The following C6 variants were observed in gnomAD, a reference collection of about 807,000 sequenced individuals.
C6 encodes the protein complement C6.
A neutral mutation model predicts 112.9 loss-of-function variants in C6; 101 were observed. The observed-to-expected ratio is 0.89, with a 90% confidence interval of 0.76 to 1.06. The LOEUF is 1.06. Ranked by LOEUF, C6 falls within the 50% of genes least tolerant of loss-of-function variation. The pLI is 0.00. For synonymous variants in C6, 431 were observed against 384.1 expected, an observed-to-expected ratio of 1.12 and a Z score of -1.43; for missense variants, 1,202 against 1,104.6, an observed-to-expected ratio of 1.09 and a Z score of -1.25.
intron 6 of C6, 70 bp downstream of exon 6, chr5:41,186,000 A>T: frequency 6.3e-7 from 1 of 1,583,686 alleles, no homozygotes. Flanking sequence ...TTCATCACTA[A>T]TTTTGCATGA....
intron 1 of C6, among the ~76,000 whole-genome samples, chr5:41,230,605 G>A (rs1039038323): frequency 6.6e-6 from 1 of 152,140 alleles, no homozygotes; most frequent in African/African-American, 2.4e-5. Flanking sequence ...GCAGGACATA[G>A]ACCCTCATCA....
At chr5:41,194,957 A>G (rs1750495386) in intron 5 of C6, among the ~76,000 whole-genome samples, 1 of 152,186 alleles carries the variant, frequency 6.6e-6, no homozygotes, top group Non-Finnish European at 1.5e-5. Flanking sequence ...GTAGTCCTGA[A>G]TCAGCATGAA....
In C6 at chr5:41,161,821, T is replaced by G. The variant is rs1314684171; in HGVS notation, c.1330A>C (p.Ile444Leu). The change falls in exon 10 of 18, where the codon ATT (isoleucine) becomes CTT (leucine). Residue 444 changes from isoleucine (I) to leucine (L), a missense_variant. Transcript: ENST00000337836. ...CCATATTCACTCCTTCCACCTCGAA[T>G]CAGGGATATGGATTTCTCTGCTCCC... ...IQGAEKSISL[I>L]RGGRSEYGAA... 8 of 1,613,596 alleles carry G rather than the reference T, an allele frequency of 5.0e-6. No homozygotes were observed. The highest frequency in any genetic ancestry group is 2.7e-5 in the African/African-American group (2 of 74,904).
chr5:41,259,560 C>T lies in C6; in HGVS notation c.-21+1634G>A, dbSNP rs535524587. The stretch of plus-strand genomic sequence containing the variant: ...ATCTCTGTTTTCTGAGATAATAGCA[C>T]TATTTTCCTACAACAAGACTTAAAC... On this transcript the variant is annotated intron_variant, in intron 1 of 17. Transcript: ENST00000263413. Among the ~76,000 whole-genome samples the T allele has an allele frequency of 3.3e-5, 5 of 150,828 alleles. No homozygotes were observed. In the South Asian group the frequency reaches 1.0e-3, roughly 32 times the overall value.
chr5:41,205,486 A>G (rs1375269443), intron 1 of C6, among the ~76,000 whole-genome samples: 2 of 152,320 alleles, frequency 1.3e-5, no homozygotes, highest in South Asian at 2.1e-4. Context: ...GGAAGCCATT[A>G]CAGACAGTAC....
chr5:41,250,302 G>A (rs958127901), intron 1 of C6, among the ~76,000 whole-genome samples: 1 of 152,116 alleles, frequency 6.6e-6, no homozygotes, highest in Non-Finnish European at 1.5e-5. Flanking sequence ...AACCTTGTGG[G>A]TCTCAGCTTT....
chr5:41,149,221 T>C lies in C6; in HGVS notation c.2623+20A>G, dbSNP rs1280234609. 1.2e-6 allele frequency: 2 copies of C among 1,613,746 alleles called. No individual in the cohort carries two copies. Among genetic ancestry groups the C allele is most frequent in the African/African-American group, 2.7e-5 (2 of 74,918 alleles). On this transcript the variant is annotated intron_variant, in intron 17 of 17. Transcript: ENST00000337836. ...GAAGGTTAAGTGAGAGCATTTAGTA[T>C]GGTCACCATTGGAACTTACCTGAAC...
intron 9 of C6, among the ~76,000 whole-genome samples, chr5:41,171,323 A>T (rs773461255): frequency 1.3e-5 from 2 of 152,170 alleles, no homozygotes; most frequent in African/African-American, 4.8e-5. Flanking sequence ...GGGACTGCTG[A>T]AGGAGAGGAA....
chr5:41,220,676 G>T (rs1739110011), intron 1 of C6, among the ~76,000 whole-genome samples: 1 of 151,654 alleles, frequency 6.6e-6, no homozygotes, highest in Admixed American at 6.6e-5. Context: ...TGTGCCTGTT[G>T]GTCATTTATA....
At chr5:41,210,552 GC>G (rs1751831291) in intron 1 of C6, among the ~76,000 whole-genome samples, 1 of 152,116 alleles carries the variant, frequency 6.6e-6, no homozygotes, top group Non-Finnish European at 1.5e-5. Flanking sequence ...CAAAAAGTGG[GC>G]AAAGGATATG....
At chr5:41,181,986 A>C (rs1293912931) in intron 6 of C6, among the ~76,000 whole-genome samples, 1 of 152,174 alleles carries the variant, frequency 6.6e-6, no homozygotes, top group East Asian at 1.9e-4. Context: ...CTTTATAACC[A>C]AGTCCCACCT....
chr5:41,175,732 G>A (rs1265147653), intron 8 of C6, among the ~76,000 whole-genome samples: 3 of 152,170 alleles, frequency 2.0e-5, no homozygotes, highest in Non-Finnish European at 2.9e-5. Context: ...ACAAAACCAA[G>A]TCAAGAGCAG....
rs748935438 is a variant in C6, at chr5:41,195,812, A to G, written c.567T>C (p.Ser189=). 6.2e-7 allele frequency: 1 copy of G among 1,613,934 alleles called. No homozygotes were observed. Among genetic ancestry groups the G allele is most frequent in the Non-Finnish European group, 8.5e-7 (1 of 1,179,910 alleles). The part of the protein sequence containing the change: ...VCTRKYNPIP[S]VQLMGNGFHF... ...CATACCCATTGCCCATCAACTGTACACTAGGGATGGGATTATACTTCCGTG... is the reference window on the plus strand; with the variant it reads ...CATACCCATTGCCCATCAACTGTACGCTAGGGATGGGATTATACTTCCGTG... The change falls in exon 5 of 18, where the codon AGT becomes AGC. Residue 189 remains serine, a synonymous_variant. Transcript: ENST00000337836.
Position 41,149,982 on chromosome 5 carries a change from T to C in C6, c.2334A>G (p.Lys778=). The C allele has an allele frequency of 6.2e-6, 10 of 1,613,426 alleles. No individual in the cohort carries two copies. Among genetic ancestry groups the C allele is most frequent in the Non-Finnish European group, 7.6e-6 (9 of 1,179,450 alleles). ...TACAAATGCATTCAGATCCTGATTG[T>C]TTCTGTCCCAGCTGACAATGGCCTT... ...KLKGHCQLGQ[K]QSGSECICMS... Residue 778 remains lysine (K), a synonymous_variant, in exon 16 of 18, where the codon AAA becomes AAG. Transcript: ENST00000337836.
At chr5:41,225,440 G>A (rs1362415720) in intron 1 of C6, among the ~76,000 whole-genome samples, 4 of 152,094 alleles carry the variant, frequency 2.6e-5, no homozygotes, top group Non-Finnish European at 5.9e-5. Flanking sequence ...GTGTATATGT[G>A]CCACATTTTC....
At chr5:41,249,611 T>C (rs889594698) in intron 1 of C6, among the ~76,000 whole-genome samples, 2 of 152,226 alleles carry the variant, frequency 1.3e-5, no homozygotes, top group African/African-American at 4.8e-5. Flanking sequence ...GCCAGATGTG[T>C]TTTGAATATT....
intron 16 of C6, among the ~76,000 whole-genome samples, chr5:41,149,725 C>G (rs1449698598): frequency 6.6e-6 from 1 of 152,146 alleles, no homozygotes; most frequent in Non-Finnish European, 1.5e-5. Context: ...TGAACAATCT[C>G]ATTTTAAACA....
At chr5:41,158,192 C>T (rs1329334313) in intron 13 of C6, among the ~76,000 whole-genome samples, 1 of 151,428 alleles carries the variant, frequency 6.6e-6, no homozygotes, top group Non-Finnish European at 1.5e-5. Flanking sequence ...CATGTTGTGG[C>T]TTGGTAAAAA....
intron 15 of C6, among the ~76,000 whole-genome samples, chr5:41,150,902 G>T (rs62361564): frequency 6.7e-6 from 1 of 149,754 alleles, no homozygotes; most frequent in Non-Finnish European, 1.5e-5. Flanking sequence ...AAAAAAAAAG[G>T]CAGGCAGCAT....
Sources: allele counts gnomAD v4.1 joint callset (sites outside exome capture counted in the v4.1 genomes callset), GRCh38; gene constraint gnomAD v4.1.1; transcripts MANE v1.5; gene names NCBI Gene and HGNC (gene_info 2026-07-23, HGNC 2026-07-21).